Variants in IMPG2 observed in about 807,000 individuals in gnomAD.
The protein encoded by IMPG2 is IPM 200.
IMPG2 carries 91 observed loss-of-function variants against 129.2 expected under a neutral mutation model. The ratio of observed to expected loss-of-function variants is 0.70; its 90% confidence interval spans 0.59 to 0.84. IMPG2 has a LOEUF of 0.84. IMPG2 is among the 40% of genes least tolerant of loss of function. The pLI, the probability that IMPG2 is intolerant of heterozygous loss-of-function variation, is 0.00. For missense variants in IMPG2, 1,430 were observed against 1,461.7 expected (o/e 0.98, Z 0.35); for synonymous variants, 510 against 517.7 (o/e 0.99, Z 0.20).
In IMPG2 at chr3:101,273,733, C is replaced by A. The variant is rs932467788; in HGVS notation, c.676G>T (p.Glu226Ter). 4.3e-6 allele frequency: 7 copies of A among 1,613,814 alleles called. No individual in the cohort carries two copies. Among genetic ancestry groups the A allele is most frequent in the Non-Finnish European group, 5.9e-6 (7 of 1,179,848 alleles). The change falls in exon 7 of 19, where the codon GAA becomes TAA. Residue 226 changes from glutamate (E) to a stop codon, truncating the protein, a stop_gained. Transcript: ENST00000193391. LOFTEE classifies it high-confidence loss of function. Reference protein sequence around the residue: ...LERPEESISNEIENVIEEATK... With the variant: ...LERPEESISN ...GCTTCTTCTATCACATTCTCAATTT[C>A]ATTGCTAATCTGAATTTTTAGAGAA...
intron 4 of IMPG2, among the ~76,000 whole-genome samples, chr3:101,277,379 C>A (rs1035238792): frequency 1.3e-5 from 2 of 152,108 alleles, no homozygotes; most frequent in Non-Finnish European, 2.9e-5. Context: ...ATACTATGTG[C>A]CAGGCAATGT....
chr3:101,306,969 A>T (rs1180240223), intron 2 of IMPG2, among the ~76,000 whole-genome samples: 1 of 152,232 alleles, frequency 6.6e-6, no homozygotes, highest in Non-Finnish European at 1.5e-5. Context: ...TATCTGGCAG[A>T]AAATATTCCA....
chr3:101,274,247 TAAAC>T (rs1211342094), intron 6 of IMPG2, among the ~76,000 whole-genome samples: 1 of 152,032 alleles, frequency 6.6e-6, no homozygotes, highest in South Asian at 2.1e-4. Context: ...GGGTAAATCT[TAAAC>T]AAATTTTAGC....
chr3:101,242,687 C>A lies in IMPG2; in HGVS notation c.3022+1G>T. ...AACCACCATGCTAGGCAATATCATACCTGATTCCACATCAAGAGAGTATTT... is the reference window on the plus strand; with the variant it reads ...AACCACCATGCTAGGCAATATCATAACTGATTCCACATCAAGAGAGTATTT... On this transcript the variant is annotated splice_donor_variant, in intron 14 of 18. Coordinates refer to ENST00000193391, the MANE Select transcript of IMPG2 (RefSeq NM_016247.4). LOFTEE classifies it high-confidence loss of function. 6.2e-7 allele frequency: 1 copy of A among 1,604,028 alleles called. No homozygotes were observed. The highest frequency in any genetic ancestry group is 1.7e-5 in the Admixed American group (1 of 59,998).
chr3:101,309,779 T>C (rs1455669477), intron 2 of IMPG2, among the ~76,000 whole-genome samples: 1 of 152,076 alleles, frequency 6.6e-6, no homozygotes, highest in Non-Finnish European at 1.5e-5. Flanking sequence ...ACTTTATTCA[T>C]AATAACTTAA....
At chr3:101,257,872 G>T in intron 9 of IMPG2, 99 bp from the exon 10 acceptor site, 1 of 1,334,388 alleles carries the variant, frequency 7.5e-7, no homozygotes, top group Non-Finnish European at 1.1e-6. Context: ...TAGAGGGGGA[G>T]TCTCAAAGAG....
rs756049687 is a variant in IMPG2, at chr3:101,231,112, G to T, written c.3267C>A (p.Gly1089=). The T allele has an allele frequency of 1.5e-5, 25 of 1,614,014 alleles. No homozygotes were observed. The highest frequency in any genetic ancestry group is 2.1e-5 in the Non-Finnish European group (25 of 1,180,028). The stretch of plus-strand genomic sequence containing the variant: ...CAGACACAAATTCCTCACAGTGCTT[G>T]CCTCGGTACCACCAGTTCTCACCCA... ...CRVGENWWYR[G]KHCEEFVSEP... The change falls in exon 16 of 19, where the codon GGC becomes GGA. Residue 1089 remains glycine, a synonymous_variant. Coordinates refer to ENST00000193391, the MANE Select transcript of IMPG2 (RefSeq NM_016247.4).
At chr3:101,228,003 T>A in intron 18 of IMPG2, 1 of 367,272 alleles carries the variant, frequency 2.7e-6, no homozygotes, top group South Asian at 2.1e-5. Context: ...AGCCAGAAGA[T>A]ACTTATCTGG....
At chr3:101,253,318 A>C (rs1202954452) in intron 11 of IMPG2, among the ~76,000 whole-genome samples, 1 of 152,154 alleles carries the variant, frequency 6.6e-6, no homozygotes, top group Non-Finnish European at 1.5e-5. Context: ...CTTGAAACAA[A>C]AAATCTACGC....
At chr3:101,264,881 T>A (rs1434719301) in intron 9 of IMPG2, among the ~76,000 whole-genome samples, 3 of 151,362 alleles carry the variant, frequency 2.0e-5, no homozygotes, top group African/African-American at 7.3e-5. Context: ...CTTAAAAAAA[T>A]CCAGTGGCAT....
chr3:101,319,500 T>C, intron 2 of IMPG2, 84 bp downstream of exon 2: 13 of 1,534,518 alleles, frequency 8.5e-6, no homozygotes, highest in Non-Finnish European at 1.1e-5. Context: ...TTATCGTAAA[T>C]TTTGATTTAC....
intron 6 of IMPG2, 55 bp downstream of exon 6, chr3:101,275,608 C>G (rs1396001665): frequency 7.7e-7 from 1 of 1,292,652 alleles, no homozygotes; most frequent in Non-Finnish European, 1.1e-6. Context: ...TAAACTCTCT[C>G]TTAATCTCTA....
In IMPG2 at chr3:101,226,930, T is replaced by A; in HGVS notation, c.*39A>T. 6.2e-7 allele frequency: 1 copy of A among 1,604,810 alleles called. No homozygotes were observed. The highest frequency in any genetic ancestry group is 1.3e-5 in the African/African-American group (1 of 74,826). On this transcript the variant is annotated 3_prime_UTR_variant, in exon 19 of 19. Transcript: ENST00000193391. ...CATAAGTAACAAGTAATCTCCATCT[T>A]CTCCAGGCTTCTAATCAGTTTCAGA...
chr3:101,309,133 C>T (rs561760152), intron 2 of IMPG2, among the ~76,000 whole-genome samples: 23 of 152,312 alleles, frequency 1.5e-4, no homozygotes, highest in Non-Finnish European at 2.2e-4. Context: ...TGGTCAAAAA[C>T]ATTCAACAAG....
chr3:101,228,426 T>A (rs993249373), intron 18 of IMPG2, among the ~76,000 whole-genome samples: 5 of 152,182 alleles, frequency 3.3e-5, no homozygotes, highest in East Asian at 1.9e-4. Context: ...ACTAGTGAGA[T>A]CTATGACAAC....
chr3:101,315,298 A>G (rs143129897), intron 2 of IMPG2, among the ~76,000 whole-genome samples: 1 of 152,292 alleles, frequency 6.6e-6, no homozygotes, highest in African/African-American at 2.4e-5. Flanking sequence ...TCACTGTACT[A>G]ACAGTATAGC....
chr3:101,298,535 C>T (rs1156895902), intron 3 of IMPG2, among the ~76,000 whole-genome samples: 3 of 152,110 alleles, frequency 2.0e-5, no homozygotes, highest in Admixed American at 6.5e-5. Flanking sequence ...GTGGCTGGTA[C>T]CAGTTTTTCC....
At chr3:101,227,847 G>A (rs1403653950) in intron 18 of IMPG2, 7 of 456,052 alleles carry the variant, frequency 1.5e-5, no homozygotes, top group African/African-American at 8.0e-5. Flanking sequence ...GAGGAACCAC[G>A]AGCAAAGGAG....
In IMPG2 at chr3:101,257,678, T is replaced by C. The variant is rs1559646914; in HGVS notation, c.1004A>G (p.Asn335Ser). The C allele has an allele frequency of 5.0e-6, 8 of 1,613,414 alleles. No homozygotes were observed. Among genetic ancestry groups the C allele is most frequent in the Non-Finnish European group, 6.8e-6 (8 of 1,179,570 alleles). The part of the protein sequence containing the change: ...LISLHSNKVE[N>S]HGLVELDDKP... The stretch of plus-strand genomic sequence containing the variant: ...ATCATCCAGTTCCACAAGGCCATGG[T>C]TTTCCACCTTGTTGGAGTGAAGGCT... The change falls in exon 10 of 19, where the codon AAC becomes AGC. Residue 335 changes from asparagine to serine, a missense_variant. By Grantham distance (46) the Asn-to-Ser change is conservative. Coordinates refer to ENST00000193391, the MANE Select transcript of IMPG2 (RefSeq NM_016247.4).
Sources: gnomAD v4.1 joint callset for allele counts (sites outside exome capture counted in the v4.1 genomes callset) on GRCh38, gnomAD v4.1.1 for gene constraint, MANE v1.5 for transcripts, NCBI Gene and HGNC (gene_info 2026-07-23, HGNC 2026-07-21) for gene names.